ZFYVE21: variants seen among roughly 807,000 people sequenced by gnomAD.
ZFYVE21 encodes the protein zinc finger FYVE-type containing 21, also known as zinc finger FYVE domain-containing protein 21.
A neutral mutation model predicts 29.5 loss-of-function variants in ZFYVE21; 21 were observed. The ratio of observed to expected loss-of-function variants is 0.71; its 90% CI spans 0.50 to 1.02. ZFYVE21 has a LOEUF of 1.02. Among genes scored for constraint, ZFYVE21 ranks in the 50% least tolerant of loss-of-function variants. The pLI is 0.00. For synonymous variants in ZFYVE21, 151 were observed against 133.8 expected (o/e 1.13, Z -0.89); for missense variants, 326 against 335.4 (o/e 0.97, Z 0.22).
chr14:103,723,317 T>C (rs1273452546), intron 1 of ZFYVE21, among the ~76,000 whole-genome samples: 1 of 152,116 alleles, frequency 6.6e-6, no homozygotes, highest in African/African-American at 2.4e-5. Context: ...GACAGGCCCA[T>C]TTGAGGGCAA....
Position 103,733,143 on chromosome 14 carries a change from A to ATGTATT in ZFYVE21, c.*128_*133dup. On this transcript the variant is annotated 3_prime_UTR_variant, in exon 7 of 7. Transcript: ENST00000311141. ...TTGTGCTGGGAAATGCAACTCACTC[A>ATGTATT]TGTATTTGGAGAAACAGGAGTGTTC... 7.8e-7 allele frequency: 1 copy of ATGTATT among 1,275,832 alleles called. No individual in the cohort carries two copies. Among genetic ancestry groups the ATGTATT allele is most frequent in the Middle Eastern group, 1.9e-4 (1 of 5,288 alleles). The allele number at this position is 1,275,832 out of a possible 1,614,324, so 79.0% of individuals were successfully genotyped here.
chr14:103,730,236 G>GA, intron 5 of ZFYVE21: 1 of 223,530 alleles, frequency 4.5e-6, no homozygotes, highest in African/African-American at 2.3e-5. Flanking sequence ...TGGGACCCCT[G>GA]ACTCTCCTGG....
chr14:103,733,253 TG>T lies in ZFYVE21; in HGVS notation c.*240del, dbSNP rs112502838. ...AATTTGTGTATTGTCAATACTTAAT[TG>T]GGGGTGGGAGAGACTGAGCTACACT... On this transcript the variant is annotated 3_prime_UTR_variant, in exon 7 of 7. Transcript: ENST00000311141. The T allele has an allele frequency of 0.056, 30,852 of 548,862 alleles. 1,082 individuals are homozygous for T. Among genetic ancestry groups the T allele is most frequent in the African/African-American group, 0.12 (6,114 of 52,712 alleles). 34.0% of individuals were successfully genotyped at this position (548,862 alleles called of 1,614,324 possible). A position where few individuals can be genotyped will look rare whatever the true frequency, so the allele number is the denominator to read the frequency against.
rs573304470 is a variant in ZFYVE21, at chr14:103,724,738, C to T, written c.139-2054C>T. Reference sequence around the variant, plus strand: ...AGGACCCCTTTGACTCCCACCGTTCCGTCGCTGGTTCATTGAACCCACACC... The same window carrying T: ...AGGACCCCTTTGACTCCCACCGTTCTGTCGCTGGTTCATTGAACCCACACC... On this transcript the variant is annotated intron_variant, in intron 1 of 6. Transcript: ENST00000311141. 6 of 152,402 alleles carry T rather than the reference C, an allele frequency of 3.9e-5. No individual in the cohort carries two copies. The East Asian group carries it at 5.8e-4, about 15-fold the overall frequency. 9.4% of individuals were successfully genotyped at this position (152,402 alleles called of 1,614,324 possible). A position where few individuals can be genotyped will look rare whatever the true frequency, so the allele number is the denominator to read the frequency against.
In ZFYVE21 at chr14:103,727,613, G is replaced by T. The variant is rs535171841; in HGVS notation, c.190-133G>T. On this transcript the variant is annotated intron_variant, in intron 2 of 6. Transcript: ENST00000311141. ...AGCCCAGGGGCTGGCGACAGGAGGT[G>T]CGCGTGTGCAGCGGCCGGCACAGGG... 393 of 1,159,516 alleles carry T rather than the reference G, an allele frequency of 3.4e-4. 2 individuals carry two copies. In the African/African-American group the frequency reaches 5.2e-3, roughly 15 times the overall value. The allele number at this position is 1,159,516 out of a possible 1,614,324, so 71.8% of individuals were successfully genotyped here. A position where few individuals can be genotyped will look rare whatever the true frequency, so the allele number is the denominator to read the frequency against.
intron 2 of ZFYVE21, 24 bp downstream of exon 2, chr14:103,726,866 G>A (rs769189552): frequency 3.0e-5 from 48 of 1,613,642 alleles, no homozygotes; most frequent in Non-Finnish European, 3.9e-5. Context: ...GCTGAGTGGG[G>A]GTGGTGGGAA....
intron 1 of ZFYVE21, among the ~76,000 whole-genome samples, chr14:103,717,985 A>G (rs7359090): frequency 0.29 from 44,870 of 152,256 alleles, 7,203 homozygotes; most frequent in Non-Finnish European, 0.37. Context: ...GGGGACATGT[A>G]CGGTAACAGT....
chr14:103,729,900 C>T, intron 5 of ZFYVE21: 1 of 1,524,960 alleles, frequency 6.6e-7, no homozygotes, highest in South Asian at 1.2e-5. Flanking sequence ...CCCGTTCCTC[C>T]CCTCGCCACC....
chr14:103,716,111 G>T lies in ZFYVE21; in HGVS notation c.138+132G>T. 1 of 926,856 alleles carries T rather than the reference G, an allele frequency of 1.1e-6. No individual in the cohort carries two copies. The highest frequency in any genetic ancestry group is 1.3e-6 in the Non-Finnish European group (1 of 742,392). The allele number at this position is 926,856 out of a possible 1,614,324, so 57.4% of individuals were successfully genotyped here. ...CCTTCCCCAGCCGGCCCCCGCCCCC[G>T]CTCTCTCCCAGGTTGGCCGCGTCCC... On this transcript the variant is annotated intron_variant, in intron 1 of 6. Transcript: ENST00000311141. The surrounding 1 kb of genome is among the most constrained non-coding windows in gnomAD (Gnocchi z 4.8).
intron 3 of ZFYVE21, among the ~76,000 whole-genome samples, chr14:103,728,266 TGC>T (rs1374391106): frequency 6.6e-6 from 1 of 152,190 alleles, no homozygotes; most frequent in Non-Finnish European, 1.5e-5. Flanking sequence ...CGGAGACCTT[TGC>T]CCAATAGCAC....
chr14:103,726,717 G>A, intron 1 of ZFYVE21, 75 bp from the exon 2 acceptor site: 1 of 1,582,942 alleles, frequency 6.3e-7, no homozygotes, highest in Non-Finnish European at 8.7e-7. Context: ...AGCTTTCTCA[G>A]CAGCCCGTGG....
At chr14:103,726,736 C>A in intron 1 of ZFYVE21, 56 bp from the exon 2 acceptor site, 1 of 1,608,398 alleles carries the variant, frequency 6.2e-7, no homozygotes, top group South Asian at 1.1e-5. Context: ...GGTCGTGCCC[C>A]AGCGACGTGG....
In ZFYVE21 at chr14:103,728,943, A is replaced by G. The variant is rs764910454; in HGVS notation, c.394A>G (p.Lys132Glu). The change falls in exon 4 of 7, where the codon AAA (lysine) becomes GAA (glutamate). Residue 132 changes from lysine to glutamate, a missense_variant. Lys to Glu is a moderately conservative substitution (Grantham distance 56). Coordinates refer to ENST00000311141, the MANE Select transcript of ZFYVE21 (RefSeq NM_024071.4). ...CCTCGTCACGTTTGGAAACTCAGAG[A>G]AACCTGAAACTATGACTTGTCGTCT... Reference protein sequence around the residue: ...TFLVTFGNSEKPETMTCRLSN... With the variant: ...TFLVTFGNSEEPETMTCRLSN... 3.1e-6 allele frequency: 5 copies of G among 1,613,924 alleles called. No individual in the cohort carries two copies. The highest frequency in any genetic ancestry group is 4.2e-6 in the Non-Finnish European group (5 of 1,180,020).
Position 103,729,169 on chromosome 14 carries a change from C to T in ZFYVE21, c.513C>T (p.Gly171=), listed in dbSNP as rs143477524. Residue 171 remains glycine (G), a synonymous_variant, in exon 5 of 7, where the codon GGC becomes GGT. Coordinates refer to ENST00000311141, the MANE Select transcript of ZFYVE21 (RefSeq NM_024071.4). ...HISTVQILTE[G]FPPGGGNARA... ...CCACCGTGCAGATCCTCACAGAAGG[C>T]TTCCCTCCTGGAGGTAAATGCCAGC... The T allele has an allele frequency of 3.9e-5, 63 of 1,614,000 alleles. No individual in the cohort carries two copies. In the African/African-American group the frequency reaches 7.7e-4, roughly 20 times the overall value.
In ZFYVE21 at chr14:103,729,956, C is replaced by G. The variant is rs748664531; in HGVS notation, c.526+774C>G. ...GTCCATGCCAAGGTTCTTTGTGAAACCTGAATTCACTTACTTTGGTTGACT... is the reference window on the plus strand; with the variant it reads ...GTCCATGCCAAGGTTCTTTGTGAAAGCTGAATTCACTTACTTTGGTTGACT... On this transcript the variant is annotated intron_variant, in intron 5 of 6. Coordinates refer to ENST00000311141, the MANE Select transcript of ZFYVE21 (RefSeq NM_024071.4). 6.5e-6 allele frequency: 8 copies of G among 1,238,858 alleles called. No individual in the cohort carries two copies. The South Asian group carries it at 8.8e-5, about 14-fold the overall frequency. The allele number at this position is 1,238,858 out of a possible 1,614,324, so 76.7% of individuals were successfully genotyped here. A position where few individuals can be genotyped will look rare whatever the true frequency, so the allele number is the denominator to read the frequency against.
At chr14:103,728,739 C>T in intron 3 of ZFYVE21, 169 bp from the exon 4 acceptor site, 1 of 646,816 alleles carries the variant, frequency 1.5e-6, no homozygotes, top group Non-Finnish European at 2.7e-6. Context: ...ACCCTTGATC[C>T]ATGACTGCCT....
At chr14:103,732,543 C>T (rs1447578570) in intron 5 of ZFYVE21, 77 bp from the exon 6 acceptor site, 3 of 1,491,860 alleles carry the variant, frequency 2.0e-6, no homozygotes, top group Non-Finnish European at 2.7e-6. Flanking sequence ...GATGTGCTGG[C>T]CACCGCCTTG....
rs1358056040 is a variant in ZFYVE21, at chr14:103,727,702, G to C, written c.190-44G>C. 3 of 1,593,658 alleles carry C rather than the reference G, an allele frequency of 1.9e-6. No individual in the cohort carries two copies. The African/African-American group carries it at 4.0e-5, about 21-fold the overall frequency. On this transcript the variant is annotated intron_variant, in intron 2 of 6. Coordinates refer to ENST00000311141, the MANE Select transcript of ZFYVE21 (RefSeq NM_024071.4). ...GCCGGGGCCACACCCGGGGCCGCTT[G>C]TTCCCTGCCCCTCCTCACTGCCAAT...
intron 2 of ZFYVE21, 87 bp downstream of exon 2, chr14:103,726,929 G>C: frequency 8.0e-7 from 1 of 1,246,902 alleles, no homozygotes; most frequent in Non-Finnish European, 1.1e-6. Flanking sequence ...GGCAGGGGAC[G>C]GATGTCATCT....
Sources: allele counts gnomAD v4.1 joint callset (sites outside exome capture counted in the v4.1 genomes callset), GRCh38; gene constraint gnomAD v4.1.1; non-coding constraint Gnocchi (gnomAD v3.1); transcripts MANE v1.5; gene names NCBI Gene and HGNC (gene_info 2026-07-23, HGNC 2026-07-21).